ATAD1: variants seen among roughly 807,000 people sequenced by gnomAD.
ATAD1 encodes outer mitochondrial transmembrane helix translocase.
In ATAD1, 18 loss-of-function variants were observed where a neutral mutation model predicts 42.7. That is an observed-to-expected ratio of 0.42 (90% CI 0.29 to 0.63). ATAD1 has a LOEUF of 0.63. Among genes scored for constraint, ATAD1 ranks in the 20% least tolerant of loss-of-function variants. The probability of loss-of-function intolerance (pLI) is 0.19; values close to 1 mark genes in which losing one functional copy is unlikely to be tolerated. For synonymous variants in ATAD1, 132 were observed against 143.1 expected, an observed-to-expected ratio of 0.92 and a Z score of 0.55; for missense variants, 294 against 440.4, an observed-to-expected ratio of 0.67 and a Z score of 2.98.
intron 4 of ATAD1, 30 bp downstream of exon 4, chr10:87,790,280 G>C (rs200756656): frequency 1.1e-5 from 18 of 1,593,840 alleles, no homozygotes; most frequent in Non-Finnish European, 1.4e-5. Flanking sequence ...GGATTTTAAT[G>C]CTTTAGGCGA....
chr10:87,803,624 T>G (rs1856798608), intron 2 of ATAD1, among the ~76,000 whole-genome samples: 1 of 152,256 alleles, frequency 6.6e-6, no homozygotes, highest in South Asian at 2.1e-4. Flanking sequence ...TTACATATGC[T>G]GACTGACGTC....
chr10:87,802,032 GAAC>G (rs1856720393), intron 2 of ATAD1, among the ~76,000 whole-genome samples: 2 of 152,070 alleles, frequency 1.3e-5, no homozygotes, highest in South Asian at 4.1e-4. Context: ...AGACTCCTAT[GAAC>G]AAAATTTGGA....
At chr10:87,811,104 G>A (rs559772534) in intron 2 of ATAD1, among the ~76,000 whole-genome samples, 77 of 152,140 alleles carry the variant, frequency 5.1e-4, no homozygotes, top group Admixed American at 8.5e-4. Flanking sequence ...AGGCCAAAGC[G>A]GGCAGATCAC....
chr10:87,757,034 G>T, intron 8 of ATAD1, 112 bp from the exon 9 acceptor site: 2 of 819,962 alleles, frequency 2.4e-6, no homozygotes, highest in Non-Finnish European at 3.4e-6. Flanking sequence ...CATGGGAGGA[G>T]AAACAATAGT....
intron 2 of ATAD1, among the ~76,000 whole-genome samples, chr10:87,793,896 A>T (rs577346233): frequency 6.6e-6 from 1 of 152,206 alleles, no homozygotes; most frequent in East Asian, 1.9e-4. Context: ...TAGTTATAGA[A>T]TAGCTAGGAG....
chr10:87,790,251 A>G (rs1159893126), intron 4 of ATAD1, 59 bp downstream of exon 4: 1 of 1,578,386 alleles, frequency 6.3e-7, no homozygotes, highest in African/African-American at 1.4e-5. Flanking sequence ...ACAATGGCAG[A>G]AAGTTTCAAT....
At chr10:87,756,759 A>G in intron 9 of ATAD1, 30 bp downstream of exon 9, 1 of 1,515,770 alleles carries the variant, frequency 6.6e-7, no homozygotes, top group Non-Finnish European at 8.8e-7. Flanking sequence ...GATTTTGACA[A>G]GTGTTAAAAA....
At chr10:87,817,990 G>T in intron 1 of ATAD1, 177 bp downstream of exon 1, 1 of 985,706 alleles carries the variant, frequency 1.0e-6, no homozygotes, top group African/African-American at 1.7e-5. Context: ...GCCCTTGGAG[G>T]TTAATCCTCT....
chr10:87,781,792 G>A (rs909870215), intron 5 of ATAD1, among the ~76,000 whole-genome samples: 1 of 151,950 alleles, frequency 6.6e-6, no homozygotes, highest in Non-Finnish European at 1.5e-5. Flanking sequence ...AGAGGCATGC[G>A]TTACCACACC....
chr10:87,756,902 C>G lies in ATAD1; in HGVS notation c.852G>C (p.Leu284=). 1 of 1,610,616 alleles carries G rather than the reference C, an allele frequency of 6.2e-7. No homozygotes were observed. Among genetic ancestry groups the G allele is most frequent in the Non-Finnish European group, 8.5e-7 (1 of 1,178,694 alleles). The stretch of plus-strand genomic sequence containing the variant: ...CATCAGTTTCCTGGGCAACTTCTAG[C>G]AGGTCTACATGCCTATCCACCTTAA... ...KNENVDRHVD[L]LEVAQETDGF... Residue 284 remains leucine (L), a synonymous_variant, in exon 9 of 10, where the codon CTG becomes CTC. Transcript: ENST00000680024.
intron 5 of ATAD1, among the ~76,000 whole-genome samples, chr10:87,780,657 A>G (rs1855520729): frequency 6.6e-6 from 1 of 152,230 alleles, no homozygotes; most frequent in Non-Finnish European, 1.5e-5. Context: ...AAAATCCCAG[A>G]GTTCAGAAAA....
chr10:87,778,156 T>A (rs1855391743), intron 5 of ATAD1, among the ~76,000 whole-genome samples: 1 of 121,232 alleles, frequency 8.2e-6, no homozygotes, highest in Admixed American at 9.5e-5. Context: ...TCCAAATACA[T>A]GACTAAGATA....
intron 8 of ATAD1, among the ~76,000 whole-genome samples, chr10:87,757,800 T>C (rs1044768572): frequency 2.6e-5 from 4 of 152,160 alleles, no homozygotes; most frequent in African/African-American, 4.8e-5. Flanking sequence ...TAAATTCCCA[T>C]TTGTATACGT....
At chr10:87,766,230 G>A (rs1196459264) in intron 8 of ATAD1, among the ~76,000 whole-genome samples, 1 of 152,102 alleles carries the variant, frequency 6.6e-6, no homozygotes. Context: ...CTTTGATCTA[G>A]CAATTCCGCT....
intron 6 of ATAD1, 128 bp downstream of exon 6, chr10:87,776,193 T>C: frequency 1.5e-6 from 1 of 662,410 alleles, no homozygotes; most frequent in Middle Eastern, 2.9e-4. Context: ...TGGATCCTTA[T>C]CACTTAGTCA....
At position 87,792,726 on chromosome 10, in the gene ATAD1, C is replaced by T; in HGVS notation, c.192G>A (p.Val64=). Residue 64 remains valine, a synonymous_variant, in exon 3 of 10, where the codon GTG becomes GTA. Coordinates refer to ENST00000680024, the MANE Select transcript of ATAD1 (RefSeq NM_001321967.2). ...QAEKLMKQIG[V]KNVKLSEYEM... is the part of the protein sequence containing the mutation. The stretch of plus-strand genomic sequence containing the variant: ...CATATTCTGAGAGCTTCACATTTTT[C>T]ACTCCAATTTGCTTCATTAGTTTTT... 1 of 1,609,386 alleles carries T rather than the reference C, an allele frequency of 6.2e-7. No individual in the cohort carries two copies. The highest frequency in any genetic ancestry group is 1.1e-5 in the South Asian group (1 of 90,976).
At chr10:87,761,723 A>C (rs906690693) in intron 8 of ATAD1, among the ~76,000 whole-genome samples, 4 of 152,128 alleles carry the variant, frequency 2.6e-5, no homozygotes, top group African/African-American at 9.7e-5. Context: ...GTACTAAGAA[A>C]GCAGAATACT....
At chr10:87,763,479 C>T (rs1264387934) in intron 8 of ATAD1, among the ~76,000 whole-genome samples, 3 of 152,104 alleles carry the variant, frequency 2.0e-5, no homozygotes, top group Non-Finnish European at 4.4e-5. Context: ...GATAACAGAG[C>T]GAGACCCTTT....
At chr10:87,803,263 G>A (rs1856785109) in intron 2 of ATAD1, among the ~76,000 whole-genome samples, 1 of 152,142 alleles carries the variant, frequency 6.6e-6, no homozygotes, top group Non-Finnish European at 1.5e-5. Context: ...TCCTAGCCAT[G>A]AGAGATCAGA....
Sources: allele counts gnomAD v4.1 joint callset (sites outside exome capture counted in the v4.1 genomes callset), GRCh38; gene constraint gnomAD v4.1.1; transcripts MANE v1.5; gene names NCBI Gene and HGNC (gene_info 2026-07-23, HGNC 2026-07-21).